Variants in SPATA9 observed in about 807,000 individuals in gnomAD.
SPATA9 encodes spermatogenesis associated 9, also known as spermatogenesis-associated protein 9.
SPATA9 carries 27 observed loss-of-function variants against 25.5 expected under a neutral mutation model. The ratio of observed to expected loss-of-function variants is 1.06; its 90% CI spans 0.78 to 1.46. The LOEUF (loss-of-function observed/expected upper bound fraction) is 1.46. SPATA9 is among the 40% of genes most tolerant of loss of function. SPATA9 has a pLI of 0.00. For synonymous variants in SPATA9, 102 were observed against 105.7 expected (o/e 0.97, Z 0.21); for missense variants, 282 against 297.5 (o/e 0.95, Z 0.38).
chr5:95,718,292 A>AGGGGAAGT, the SPATA9 span, among the ~76,000 whole-genome samples: 1 of 152,206 alleles, frequency 6.6e-6, no homozygotes, highest in African/African-American at 2.4e-5. Context: ...GGGAGAAGAA[A>AGGGGAAGT]GGGGAAGTAG....
the SPATA9 span, among the ~76,000 whole-genome samples, chr5:95,712,593 C>G: frequency 6.7e-4 from 102 of 152,284 alleles, no homozygotes; most frequent in Non-Finnish European, 1.1e-3. Context: ...CCTAGCCAAC[C>G]GCAAGCATCA....
intron 2 of SPATA9, among the ~76,000 whole-genome samples, chr5:95,676,005 A>G (rs1752913612): frequency 6.6e-6 from 1 of 151,966 alleles, no homozygotes. Context: ...TAGTTTTAGT[A>G]TAGACCGAGT....
At chr5:95,730,218 C>T in the SPATA9 span, among the ~76,000 whole-genome samples, 3 of 152,004 alleles carry the variant, frequency 2.0e-5, no homozygotes, top group Admixed American at 1.3e-4. Flanking sequence ...TTTTTACTGC[C>T]CTACTCAATA....
intron 2 of SPATA9, among the ~76,000 whole-genome samples, chr5:95,679,531 G>T (rs1753237317): frequency 6.6e-6 from 1 of 152,184 alleles, no homozygotes; most frequent in Non-Finnish European, 1.5e-5. Context: ...GCACTTGGAT[G>T]CCATGTTACT....
the SPATA9 span, chr5:95,731,524 C>CCGGCCCCGCTCTGCGT: frequency 1.7e-5 from 22 of 1,300,486 alleles, no homozygotes; most frequent in South Asian, 2.1e-4. Context: ...TGGCGCGGCC[C>CCGGCCCCGCTCTGCGT]CGGCCCCGCT....
chr5:95,707,650 C>A, the SPATA9 span, among the ~76,000 whole-genome samples: 157 of 152,282 alleles, frequency 1.0e-3, 2 homozygotes, highest in South Asian at 0.014. Context: ...TTCCTGGGAA[C>A]TGCTGATATA....
chr5:95,673,733 T>G, intron 3 of SPATA9, among the ~76,000 whole-genome samples: 1 of 151,670 alleles, frequency 6.6e-6, no homozygotes, highest in East Asian at 1.9e-4. Flanking sequence ...ATTTTCCTTT[T>G]TTTTCTTTTT....
chr5:95,672,461 T>G (rs1456062491), intron 3 of SPATA9, among the ~76,000 whole-genome samples: 2 of 151,948 alleles, frequency 1.3e-5, no homozygotes, highest in Non-Finnish European at 1.5e-5. Context: ...AGAGGTTTTT[T>G]TTTTTTTTTT....
In SPATA9 at chr5:95,673,050, G is replaced by A. The variant is rs528784535; in HGVS notation, c.378+2362C>T. Among the ~76,000 whole-genome samples the A allele has an allele frequency of 1.3e-3, 205 of 152,144 alleles. 1 individual carries two copies. The highest frequency in any genetic ancestry group is 4.8e-3 in the African/African-American group (198 of 41,524). On this transcript the variant is annotated intron_variant, in intron 3 of 4. Transcript: ENST00000274432. ...AAATAAAGCCCTCTCCTTTTTCCCT[G>A]AAACATGTACTTATATTCCAGGGTA... is the stretch of plus-strand genomic sequence containing the variant.
At chr5:95,729,775 G>A in the SPATA9 span, among the ~76,000 whole-genome samples, 2 of 152,096 alleles carry the variant, frequency 1.3e-5, no homozygotes, top group Admixed American at 6.5e-5. Flanking sequence ...CACTTTTTGT[G>A]ATTTGCAACT....
chr5:95,675,819 C>CTTTTTTT (rs33943918), intron 2 of SPATA9, among the ~76,000 whole-genome samples, 180 bp from the exon 3 acceptor site: 19 of 108,030 alleles, frequency 1.8e-4, no homozygotes, highest in African/African-American at 3.6e-4. Context: ...GTACTTAAAC[C>CTTTTTTT]TTTTTTTTTT....
At chr5:95,699,290 G>A (rs1269294054), upstream of SPATA9, among the ~76,000 whole-genome samples, 1 of 152,128 alleles carries the variant, frequency 6.6e-6, no homozygotes, top group Non-Finnish European at 1.5e-5. Flanking sequence ...ATAAAATGGG[G>A]ATAAATCATG....
At chr5:95,676,314 G>A (rs1046536170) in intron 2 of SPATA9, among the ~76,000 whole-genome samples, 3 of 151,880 alleles carry the variant, frequency 2.0e-5, no homozygotes, top group Non-Finnish European at 4.4e-5. Context: ...ACATGAATAC[G>A]TCCTTTTGTG....
At chr5:95,705,624 A>C in the SPATA9 span, among the ~76,000 whole-genome samples, 1 of 152,224 alleles carries the variant, frequency 6.6e-6, no homozygotes, top group Non-Finnish European at 1.5e-5. Flanking sequence ...AAAGAAAATG[A>C]ATTGAGTATT....
At chr5:95,731,147 G>A in the SPATA9 span, 13 of 1,016,178 alleles carry the variant, frequency 1.3e-5, no homozygotes, top group African/African-American at 1.7e-5. Flanking sequence ...GCGGCGCCCC[G>A]CGCGGGCGGC....
At chr5:95,691,923 T>C (rs962745022) in intron 1 of SPATA9, among the ~76,000 whole-genome samples, 1 of 152,190 alleles carries the variant, frequency 6.6e-6, no homozygotes, top group Non-Finnish European at 1.5e-5. Flanking sequence ...TTTTATCAAC[T>C]TCCATTTCAT....
chr5:95,655,951 G>GT (rs1750729136), downstream of SPATA9: 4 of 1,204,642 alleles, frequency 3.3e-6, no homozygotes, highest in African/African-American at 1.5e-5. Context: ...AAGCTAACCT[G>GT]TTTTTTTAAC....
the SPATA9 span, among the ~76,000 whole-genome samples, chr5:95,723,200 C>CA: frequency 6.6e-6 from 1 of 151,970 alleles, no homozygotes; most frequent in Non-Finnish European, 1.5e-5. Context: ...AAAAAGATAG[C>CA]AAAAAAATAA....
At position 95,698,246 on chromosome 5, in the gene SPATA9, A is replaced by G. The variant is rs79307324; in HGVS notation, n.124+342T>C. On this transcript the variant is annotated intron_variant and non_coding_transcript_variant, in intron 1 of 2. Transcript: ENST00000379990. Reference sequence around the variant, plus strand: ...CATTGAGATTGGCAGAGAGGAGGAAACGTGGGAGAGGAAAATAAGCAGACA... The same window carrying G: ...CATTGAGATTGGCAGAGAGGAGGAAGCGTGGGAGAGGAAAATAAGCAGACA... Among the ~76,000 whole-genome samples, 1,365 of 152,314 alleles carry G rather than the reference A, an allele frequency of 9.0e-3. 21 individuals are homozygous for G. The highest frequency in any genetic ancestry group is 0.031 in the African/African-American group (1,293 of 41,556).
Sources: gnomAD v4.1 joint callset for allele counts (sites outside exome capture counted in the v4.1 genomes callset) on GRCh38, gnomAD v4.1.1 for gene constraint, MANE v1.5 for transcripts, NCBI Gene and HGNC (gene_info 2026-07-23, HGNC 2026-07-21) for gene names.